The following CALCR variants were observed in gnomAD, a reference collection of about 807,000 sequenced individuals.
CALCR encodes calcitonin receptor.
A neutral mutation model predicts 59.5 loss-of-function variants in CALCR; 47 were observed. The observed-to-expected ratio is 0.79, with a 90% CI of 0.63 to 1.01. CALCR has a LOEUF of 1.01. Ranked by LOEUF, CALCR falls within the 50% of genes least tolerant of loss-of-function variation. CALCR has a pLI of 0.00. For missense variants in CALCR, 566 were observed against 597.1 expected (o/e 0.95, Z 0.54); for synonymous variants, 213 against 211.3 (o/e 1.01, Z -0.07).
chr7:93,459,537 A>G (rs1390883058), intron 8 of CALCR, among the ~76,000 whole-genome samples: 1 of 152,102 alleles, frequency 6.6e-6, no homozygotes, highest in East Asian at 1.9e-4. Flanking sequence ...CTGCCAGTTT[A>G]TTTGCTTCAT....
chr7:93,531,343 A>G (rs745620722), intron 2 of CALCR, among the ~76,000 whole-genome samples: 2 of 152,066 alleles, frequency 1.3e-5, no homozygotes, highest in African/African-American at 2.4e-5. Flanking sequence ...AGTTGTTACT[A>G]AAGTCTTTGC....
intron 3 of CALCR, among the ~76,000 whole-genome samples, chr7:93,483,442 TAG>T (rs1800849180): frequency 7.1e-6 from 1 of 140,568 alleles, no homozygotes; most frequent in African/African-American, 3.1e-5. Context: ...GATAGATAGA[TAG>T]ATAGATAGAT....
chr7:93,554,123 G>C (rs1789532828), intron 2 of CALCR, among the ~76,000 whole-genome samples: 1 of 152,092 alleles, frequency 6.6e-6, no homozygotes, highest in Non-Finnish European at 1.5e-5. Context: ...TTTTGCTTTA[G>C]TGTGACATTT....
intron 3 of CALCR, 77 bp from the exon 4 acceptor site, chr7:93,479,584 T>A: frequency 7.5e-7 from 1 of 1,328,206 alleles, no homozygotes; most frequent in Non-Finnish European, 1.0e-6. Flanking sequence ...AATGAAAAAG[T>A]TTGAAAACAT....
intron 8 of CALCR, among the ~76,000 whole-genome samples, chr7:93,449,620 C>T (rs1800071186): frequency 6.6e-6 from 1 of 151,868 alleles, no homozygotes; most frequent in African/African-American, 2.4e-5. Flanking sequence ...TAACGTTGTT[C>T]GATTGAAAAC....
At chr7:93,437,657 G>C (rs2188802) in intron 11 of CALCR, among the ~76,000 whole-genome samples, 30,378 of 118,826 alleles carry the variant, frequency 0.26, 3,565 homozygotes, top group East Asian at 0.65. Flanking sequence ...TTGAATATTT[G>C]GATTTCTGGA....
chr7:93,477,116 A>G (rs1800682320), intron 5 of CALCR, among the ~76,000 whole-genome samples: 1 of 151,866 alleles, frequency 6.6e-6, no homozygotes, highest in South Asian at 2.1e-4. Context: ...TAACCCCTGT[A>G]GGCTCAGGCT....
rs1338017584 is a variant in CALCR at position 93,426,599 on chromosome 7, A to G, written c.1192-10T>C. The stretch of plus-strand genomic sequence containing the variant: ...TCACGGTGGTTTGGACCTGGAAGAG[A>G]AAAAGGAGCCTTGTTTTTATATGAT... On this transcript the variant is annotated splice_polypyrimidine_tract_variant and intron_variant, in intron 13 of 13. Coordinates refer to ENST00000426151, the MANE Select transcript of CALCR (RefSeq NM_001742.4). 1 of 1,432,716 alleles carries G rather than the reference A, an allele frequency of 7.0e-7. No homozygotes were observed. The highest frequency in any genetic ancestry group is 2.3e-5 in the East Asian group (1 of 43,716). The allele number at this position is 1,432,716 out of a possible 1,614,324, so 88.8% of individuals were successfully genotyped here.
intron 13 of CALCR, among the ~76,000 whole-genome samples, chr7:93,433,937 C>T (rs530792394): frequency 2.0e-5 from 3 of 152,240 alleles, no homozygotes; most frequent in Admixed American, 2.0e-4. Flanking sequence ...TCGGGTCTTC[C>T]GAAGGGAATA....
chr7:93,534,324 C>T (rs1463969360), intron 2 of CALCR, among the ~76,000 whole-genome samples: 3 of 151,686 alleles, frequency 2.0e-5, no homozygotes, highest in African/African-American at 7.2e-5. Flanking sequence ...AGTCCAAAAT[C>T]ACACAGAAAG....
rs370441108 is a variant in CALCR at position 93,514,786 on chromosome 7, C to T, written c.-26-27779G>A. Among the ~76,000 whole-genome samples the T allele has an allele frequency of 1.5e-4, 23 of 152,006 alleles. No homozygotes were observed. In the South Asian group the frequency reaches 4.1e-3, roughly 27 times the overall value. ...TTTCTGTAAGAATGCAACCAATTGA[C>T]GAATAGATAATCCTAAAAGTTCTAT... On this transcript the variant is annotated intron_variant, in intron 2 of 13. Transcript: ENST00000426151.
chr7:93,460,273 G>C (rs1233005419), intron 8 of CALCR, among the ~76,000 whole-genome samples: 1 of 151,762 alleles, frequency 6.6e-6, no homozygotes, highest in Non-Finnish European at 1.5e-5. Context: ...TGCATGGTTT[G>C]GGCCGGGTGT....
chr7:93,530,454 C>T (rs1788802298), intron 2 of CALCR, among the ~76,000 whole-genome samples: 1 of 152,068 alleles, frequency 6.6e-6, no homozygotes. Flanking sequence ...AATCATAACA[C>T]TCAATTTTTT....
intron 2 of CALCR, among the ~76,000 whole-genome samples, chr7:93,514,414 G>A (rs1340216286): frequency 6.6e-6 from 1 of 151,854 alleles, no homozygotes; most frequent in African/African-American, 2.4e-5. Flanking sequence ...TCCATGCTGA[G>A]GAATTCCAGT....
chr7:93,481,147 C>A (rs1483115150), intron 3 of CALCR, among the ~76,000 whole-genome samples: 2 of 151,748 alleles, frequency 1.3e-5, no homozygotes, highest in Non-Finnish European at 2.9e-5. Flanking sequence ...ACAATAAACA[C>A]CAAGTGTCAG....
intron 8 of CALCR, 117 bp downstream of exon 8, chr7:93,460,704 G>T: frequency 1.5e-6 from 1 of 645,282 alleles, no homozygotes; most frequent in Non-Finnish European, 2.4e-6. Context: ...GACGGTAGAA[G>T]TAAATATGAT....
intron 2 of CALCR, among the ~76,000 whole-genome samples, chr7:93,527,751 C>A (rs1016763152): frequency 6.6e-6 from 1 of 152,072 alleles, no homozygotes; most frequent in Non-Finnish European, 1.5e-5. Context: ...TGAATATAAA[C>A]AACAGAAGCA....
At chr7:93,468,137 T>C (rs1038854335) in intron 7 of CALCR, among the ~76,000 whole-genome samples, 3 of 151,800 alleles carry the variant, frequency 2.0e-5, no homozygotes, top group African/African-American at 7.2e-5. Context: ...GATGACAAGA[T>C]AATTTAAAGT....
At chr7:93,475,275 T>C (rs1800643514) in intron 5 of CALCR, among the ~76,000 whole-genome samples, 1 of 151,848 alleles carries the variant, frequency 6.6e-6, no homozygotes, top group African/African-American at 2.4e-5. Flanking sequence ...GAATCATTAC[T>C]GCTTCATGTA....
Sources: gnomAD v4.1 joint callset for allele counts (sites outside exome capture counted in the v4.1 genomes callset) on GRCh38, gnomAD v4.1.1 for gene constraint, MANE v1.5 for transcripts, NCBI Gene and HGNC (gene_info 2026-07-23, HGNC 2026-07-21) for gene names.